The following SSTR3 variants were observed in gnomAD, a reference collection of about 807,000 sequenced individuals.
The protein encoded by SSTR3 is somatostatin receptor 3.
For missense variants in SSTR3, 504 were observed against 604.7 expected (o/e 0.83, Z 1.75); for synonymous variants, 281 against 269.2 (o/e 1.04, Z -0.43).
upstream of SSTR3, among the ~76,000 whole-genome samples, chr22:37,212,671 C>T (rs5756558): frequency 0.56 from 85,662 of 152,034 alleles, 24,458 homozygotes; most frequent in East Asian, 0.75. Flanking sequence ...TCAGGGGAGC[C>T]GAGGCTGCCA....
rs1227601576 is a variant in SSTR3 at position 37,212,100 on chromosome 22, G to A, written c.-312C>T. 1.0e-6 allele frequency: 1 copy of A among 985,452 alleles called. No individual in the cohort carries two copies. The highest frequency in any genetic ancestry group is 6.2e-5 in the Admixed American group (1 of 16,248). The allele number at this position is 985,452 out of a possible 1,614,324, so 61.0% of individuals were successfully genotyped here. A position where few individuals can be genotyped will look rare whatever the true frequency, so the allele number is the denominator to read the frequency against. ...CCAGGACACATCCTGGGGGGGCAGGGGCAAGGATAGGGGGGAGAAGCTTCC... is the reference window on the plus strand; with the variant it reads ...CCAGGACACATCCTGGGGGGGCAGGAGCAAGGATAGGGGGGAGAAGCTTCC... On this transcript the variant is annotated 5_prime_UTR_variant, in exon 1 of 2. Transcript: ENST00000610913.
upstream of SSTR3, among the ~76,000 whole-genome samples, chr22:37,215,275 T>C (rs1173266483): frequency 6.6e-6 from 1 of 152,036 alleles, no homozygotes; most frequent in African/African-American, 2.4e-5. Flanking sequence ...AGAAACAGGG[T>C]CTCCCTATGT....
chr22:37,219,523 G>A, the SSTR3 span, among the ~76,000 whole-genome samples: 1 of 152,302 alleles, frequency 6.6e-6, no homozygotes, highest in Admixed American at 6.5e-5. Context: ...GTCCTGCTCT[G>A]CCTCCCATAT....
Position 37,205,143 on chromosome 22 carries a change from T to G in SSTR3, c.*1404A>C, listed in dbSNP as rs539129705. Reference sequence around the variant, plus strand: ...GCATGGGGAGGGAGCTCCCCAGTCCTCCCAATGTCCCTGGTAGCCAGCTCC... The same window carrying G: ...GCATGGGGAGGGAGCTCCCCAGTCCGCCCAATGTCCCTGGTAGCCAGCTCC... On this transcript the variant is annotated 3_prime_UTR_variant, in exon 2 of 2. Transcript: ENST00000610913. The G allele has an allele frequency of 7.2e-5, 11 of 152,452 alleles. No homozygotes were observed. The highest frequency in any genetic ancestry group is 2.4e-4 in the African/African-American group (10 of 41,550). 9.4% of individuals were successfully genotyped at this position (152,452 alleles called of 1,614,324 possible).
intron 1 of SSTR3, among the ~76,000 whole-genome samples, chr22:37,211,225 C>T (rs1417498988): frequency 6.6e-6 from 1 of 152,224 alleles, no homozygotes; most frequent in East Asian, 1.9e-4. Flanking sequence ...TCTGCTTGTC[C>T]TCTACATGCT....
At position 37,204,619 on chromosome 22, in the gene SSTR3, G is replaced by C. The variant is rs1006706432; in HGVS notation, c.*1928C>G. The C allele has an allele frequency of 1.3e-5, 2 of 152,338 alleles. No homozygotes were observed. The highest frequency in any genetic ancestry group is 2.9e-5 in the Non-Finnish European group (2 of 68,138). 9.4% of individuals were successfully genotyped at this position (152,338 alleles called of 1,614,324 possible). On this transcript the variant is annotated 3_prime_UTR_variant, in exon 2 of 2. Transcript: ENST00000610913. ...TCACCCCAAAGGACAGACACAGAGA[G>C]GCCACTTGATGGAGAGGGGGGTATA...
chr22:37,207,938 C>G (rs888630976), intron 1 of SSTR3, 99 bp from the exon 2 acceptor site: 2 of 1,352,536 alleles, frequency 1.5e-6, no homozygotes, highest in African/African-American at 3.0e-5. Context: ...GCACGCCCAT[C>G]CTCCCATCGT....
chr22:37,216,495 A>T (rs1926451847), upstream of SSTR3, among the ~76,000 whole-genome samples: 1 of 152,138 alleles, frequency 6.6e-6, no homozygotes, highest in Non-Finnish European at 1.5e-5. Context: ...TTTGGTTTTT[A>T]AAAATATCTT....
At chr22:37,213,806 G>A (rs1926320751), upstream of SSTR3, among the ~76,000 whole-genome samples, 1 of 152,200 alleles carries the variant, frequency 6.6e-6, no homozygotes, top group Non-Finnish European at 1.5e-5. Context: ...ACCTGGCACT[G>A]CATCCTTGAT....
chr22:37,205,113 A>C lies in SSTR3; in HGVS notation c.*1434T>G, dbSNP rs1925642471. The C allele has an allele frequency of 6.6e-6, 1 of 152,306 alleles. No homozygotes were observed. The highest frequency in any genetic ancestry group is 2.1e-4 in the South Asian group (1 of 4,830). 9.4% of individuals were successfully genotyped at this position (152,306 alleles called of 1,614,324 possible). ...CTCCCGACCTGTAGTCTCCAGGATG[A>C]TAGAGCATGGGGAGGGAGCTCCCCA... is the stretch of plus-strand genomic sequence containing the variant. On this transcript the variant is annotated 3_prime_UTR_variant, in exon 2 of 2. Coordinates refer to ENST00000610913, the MANE Select transcript of SSTR3 (RefSeq NM_001051.5).
intron 1 of SSTR3, among the ~76,000 whole-genome samples, chr22:37,209,634 T>C (rs1926069143): frequency 6.6e-6 from 1 of 152,252 alleles, no homozygotes; most frequent in African/African-American, 2.4e-5. Context: ...TATCCTATGA[T>C]GTCCTACGAG....
rs1346096090 is a variant in SSTR3 at position 37,206,736 on chromosome 22, CTCCTCCTCCTCA to C, written c.1056_1067del (p.Asp352_Glu355del). On this transcript the variant is annotated inframe_deletion, in exon 2 of 2. Coordinates refer to ENST00000610913, the MANE Select transcript of SSTR3 (RefSeq NM_001051.5). ...CCCCCTCCCTGCTCTCCTCCCCATC[CTCCTCCTCCTCA>C]TCCTCCTCCTCAGTCTTCTCCGGGG... is the stretch of plus-strand genomic sequence containing the variant. 1.3e-5 allele frequency: 21 copies of C among 1,607,688 alleles called. No homozygotes were observed. Among genetic ancestry groups the C allele is most frequent in the African/African-American group, 1.2e-4 (9 of 74,922 alleles).
Position 37,207,573 on chromosome 22 carries a change from T to C in SSTR3, c.231A>G (p.Ser77=). ...YVVLRHTASP[S]VTNVYILNLA... is the part of the protein sequence containing the mutation. Reference sequence around the variant, plus strand: ...GGTTGAGGATGTAGACGTTGGTGACTGAAGGGCTGGCCGTGTGCCGCAGGA... The same window carrying C: ...GGTTGAGGATGTAGACGTTGGTGACCGAAGGGCTGGCCGTGTGCCGCAGGA... The change falls in exon 2 of 2, where the codon TCA becomes TCG. Residue 77 remains serine (S), a synonymous_variant. Coordinates refer to ENST00000610913, the MANE Select transcript of SSTR3 (RefSeq NM_001051.5). 1 of 1,613,446 alleles carries C rather than the reference T, an allele frequency of 6.2e-7. No individual in the cohort carries two copies. The highest frequency in any genetic ancestry group is 8.5e-7 in the Non-Finnish European group (1 of 1,179,780).
chr22:37,206,874 G>A lies in SSTR3; in HGVS notation c.930C>T (p.Pro310=), dbSNP rs1925813208. The change falls in exon 2 of 2, where the codon CCC becomes CCT. Residue 310 remains proline (P), a synonymous_variant. Transcript: ENST00000610913. The stretch of plus-strand genomic sequence containing the variant: ...GGTAGGAGAGGAAGCCATAAAGGAT[G>A]GGGTTGGCACAGCTGTTGGCATAGG... ...ALPYANSCAN[P]ILYGFLSYRF... 1.9e-6 allele frequency: 3 copies of A among 1,613,580 alleles called. No individual in the cohort carries two copies. The highest frequency in any genetic ancestry group is 2.7e-5 in the African/African-American group (2 of 75,064).
chr22:37,215,886 A>C (rs543117658), upstream of SSTR3: 16 of 269,902 alleles, frequency 5.9e-5, no homozygotes, highest in South Asian at 7.6e-4. Flanking sequence ...GTCTTGTGAG[A>C]AGCTGTGGCG....
chr22:37,216,690 T>C (rs1366112774), upstream of SSTR3, among the ~76,000 whole-genome samples: 1 of 152,256 alleles, frequency 6.6e-6, no homozygotes, highest in East Asian at 1.9e-4. Flanking sequence ...CCATTGTTGT[T>C]TGGGGATTCC....
Position 37,212,207 on chromosome 22 carries a change from G to T in SSTR3, c.-419C>A. 1 of 935,728 alleles carries T rather than the reference G, an allele frequency of 1.1e-6. No homozygotes were observed. Among genetic ancestry groups the T allele is most frequent in the Non-Finnish European group, 1.3e-6 (1 of 788,514 alleles). 58.0% of individuals were successfully genotyped at this position (935,728 alleles called of 1,614,324 possible). On this transcript the variant is annotated 5_prime_UTR_variant, in exon 1 of 2. Coordinates refer to ENST00000610913, the MANE Select transcript of SSTR3 (RefSeq NM_001051.5). ...GGAAAGGGGGTCGGGAGGAGGTGGA[G>T]AAAGAGAGAGAGAGAGAAAGAGGGA...
chr22:37,216,195 C>CG (rs1926436330), upstream of SSTR3, among the ~76,000 whole-genome samples: 2 of 140,322 alleles, frequency 1.4e-5, no homozygotes, highest in African/African-American at 2.6e-5. Context: ...CCATCCCTCC[C>CG]ACCCCCCCAT....
chr22:37,215,027 T>C (rs1419779846), upstream of SSTR3, among the ~76,000 whole-genome samples: 2 of 152,200 alleles, frequency 1.3e-5, no homozygotes, highest in Non-Finnish European at 2.9e-5. Flanking sequence ...TCCTTCAGGA[T>C]TCCTTATCTG....
Sources: gnomAD v4.1 joint callset for allele counts (sites outside exome capture counted in the v4.1 genomes callset) on GRCh38, gnomAD v4.1.1 for gene constraint, MANE v1.5 for transcripts, NCBI Gene and HGNC (gene_info 2026-07-23, HGNC 2026-07-21) for gene names.